Variants in ZNF169 observed in about 807,000 individuals in gnomAD.
The protein encoded by ZNF169 is zinc finger protein 169.
In ZNF169, 11 loss-of-function variants were observed where a neutral mutation model predicts 12.0. The ratio of observed to expected loss-of-function variants is 0.92; its 90% confidence interval spans 0.58 to 1.52. The LOEUF is 1.52. Among genes scored for constraint, ZNF169 ranks in the 40% most tolerant of loss-of-function variants. The probability of loss-of-function intolerance (pLI) is 0.00; values close to 1 mark genes in which losing one functional copy is unlikely to be tolerated. For synonymous variants in ZNF169, 302 were observed against 286.5 expected (o/e 1.05, Z -0.55); for missense variants, 722 against 744.0 (o/e 0.97, Z 0.34).
At chr9:94,283,033 T>C (rs1830667768) in intron 2 of ZNF169, among the ~76,000 whole-genome samples, 1 of 152,222 alleles carries the variant, frequency 6.6e-6, no homozygotes, top group Admixed American at 6.5e-5. Context: ...TCTGCGTTTT[T>C]GTCCTATGGA....
intron 2 of ZNF169, among the ~76,000 whole-genome samples, chr9:94,284,254 A>C (rs1830686037): frequency 6.6e-6 from 1 of 150,826 alleles, no homozygotes; most frequent in Admixed American, 6.6e-5. Flanking sequence ...GAGGAACCCC[A>C]TCTCTACTAA....
chr9:94,288,992 C>T (rs1335769818), intron 2 of ZNF169, among the ~76,000 whole-genome samples: 5 of 152,106 alleles, frequency 3.3e-5, no homozygotes, highest in East Asian at 1.9e-4. Context: ...CAAAGATTAT[C>T]GTATGGTCTG....
intron 2 of ZNF169, among the ~76,000 whole-genome samples, chr9:94,284,087 A>G (rs1472331981): frequency 2.0e-5 from 3 of 150,408 alleles, no homozygotes; most frequent in Non-Finnish European, 4.4e-5. Flanking sequence ...AAAAAAAAAA[A>G]AAAAAAGGAC....
intron 2 of ZNF169, 128 bp from the exon 3 acceptor site, chr9:94,292,213 G>T (rs924633366): frequency 7.3e-6 from 11 of 1,503,834 alleles, no homozygotes; most frequent in Non-Finnish European, 8.2e-6. Flanking sequence ...CAGGTTAAAA[G>T]CAGGATCTGT....
At position 94,269,939 on chromosome 9, in the gene ZNF169, A is replaced by C. The variant is rs115884895; in HGVS notation, c.-55-8819A>C. Reference sequence around the variant, plus strand: ...ATTACTCTTACCTTGTCTCCTGCTAAATCAGGAGGTTTGAGGAGTTCCTTC... The same window carrying C: ...ATTACTCTTACCTTGTCTCCTGCTACATCAGGAGGTTTGAGGAGTTCCTTC... On this transcript the variant is annotated intron_variant, in intron 1 of 4. Coordinates refer to ENST00000395395, the MANE Select transcript of ZNF169 (RefSeq NM_194320.4). 2.7e-3 allele frequency among the ~76,000 whole-genome samples: 417 copies of C among 152,258 alleles called. 4 individuals carry two copies. The highest frequency in any genetic ancestry group is 9.7e-3 in the African/African-American group (401 of 41,548).
At chr9:94,265,601 A>G (rs894799038) in intron 1 of ZNF169, among the ~76,000 whole-genome samples, 2 of 151,488 alleles carry the variant, frequency 1.3e-5, no homozygotes, top group Non-Finnish European at 2.9e-5. Context: ...AAAATTACAA[A>G]GTTTTCCAGA....
At chr9:94,263,678 C>T (rs1460231217) in intron 1 of ZNF169, among the ~76,000 whole-genome samples, 2 of 152,042 alleles carry the variant, frequency 1.3e-5, no homozygotes, top group African/African-American at 2.4e-5. Context: ...CATGAGCCAC[C>T]GTGCCCAGCC....
At chr9:94,290,164 C>T (rs1240009363) in intron 2 of ZNF169, among the ~76,000 whole-genome samples, 1 of 152,100 alleles carries the variant, frequency 6.6e-6, no homozygotes, top group Non-Finnish European at 1.5e-5. Context: ...TAGCAGAATT[C>T]AACAACCATT....
intron 1 of ZNF169, among the ~76,000 whole-genome samples, chr9:94,265,021 G>GT (rs55756013): frequency 0.25 from 22,995 of 90,626 alleles, 3,740 homozygotes; most frequent in South Asian, 0.33. Context: ...TCTGTACCCT[G>GT]TTTTTTTTTT....
intron 2 of ZNF169, chr9:94,287,597 C>G: frequency 2.0e-6 from 1 of 510,842 alleles, no homozygotes; most frequent in Non-Finnish European, 3.6e-6. Context: ...ATCTCCTGAC[C>G]TCGTGATCCG....
At chr9:94,271,544 A>T (rs1049581893) in intron 1 of ZNF169, among the ~76,000 whole-genome samples, 1 of 151,614 alleles carries the variant, frequency 6.6e-6, no homozygotes, top group Non-Finnish European at 1.5e-5. Flanking sequence ...ACGTGCTGAA[A>T]CCCCATTTCT....
chr9:94,276,971 C>T (rs375710116), intron 1 of ZNF169, among the ~76,000 whole-genome samples: 2 of 152,060 alleles, frequency 1.3e-5, no homozygotes, highest in East Asian at 1.9e-4. Context: ...GACCATGGCC[C>T]GTGACACAGC....
At chr9:94,277,352 T>G (rs1830541326) in intron 1 of ZNF169, among the ~76,000 whole-genome samples, 1 of 152,142 alleles carries the variant, frequency 6.6e-6, no homozygotes, top group African/African-American at 2.4e-5. Context: ...GGCTCTTAGT[T>G]GATTATATCT....
intron 4 of ZNF169, chr9:94,296,805 G>A (rs1483867507): frequency 2.2e-6 from 1 of 456,316 alleles, no homozygotes; most frequent in South Asian, 1.5e-5. Flanking sequence ...ATCTTCTTTG[G>A]GAAGCTTAGG....
intron 2 of ZNF169, among the ~76,000 whole-genome samples, chr9:94,281,740 A>C (rs965557855): frequency 6.6e-6 from 1 of 152,176 alleles, no homozygotes; most frequent in African/African-American, 2.4e-5. Context: ...GGGACAACTC[A>C]AAGCAGGGGC....
intron 1 of ZNF169, among the ~76,000 whole-genome samples, chr9:94,259,867 GTTGT>G (rs1347543075): frequency 1.3e-4 from 20 of 151,650 alleles, no homozygotes; most frequent in Non-Finnish European, 1.6e-4. Context: ...CATCAGTCGG[GTTGT>G]TTATTTGTTT....
chr9:94,299,575 TA>T, intron 4 of ZNF169: 1 of 1,358,468 alleles, frequency 7.4e-7, no homozygotes, highest in Non-Finnish European at 9.4e-7. Flanking sequence ...GATAAATGTG[TA>T]ACTCTACTTG....
At chr9:94,260,689 A>T (rs963628608) in intron 1 of ZNF169, among the ~76,000 whole-genome samples, 8 of 152,062 alleles carry the variant, frequency 5.3e-5, no homozygotes, top group Admixed American at 4.6e-4. Context: ...CATGGGTTGC[A>T]ACAAGCAGAA....
intron 4 of ZNF169, chr9:94,295,815 C>T (rs1830938901): frequency 6.6e-6 from 1 of 152,052 alleles, no homozygotes; most frequent in Non-Finnish European, 1.5e-5. Flanking sequence ...TCATTTTTGA[C>T]AAATATAAAT....
Sources: gnomAD v4.1 joint callset for allele counts (sites outside exome capture counted in the v4.1 genomes callset) on GRCh38, gnomAD v4.1.1 for gene constraint, MANE v1.5 for transcripts, NCBI Gene and HGNC (gene_info 2026-07-23, HGNC 2026-07-21) for gene names.